Variants in KANK4 observed in about 807,000 individuals in gnomAD.
KANK4 encodes KN motif and ankyrin repeat domain-containing protein 4.
A neutral mutation model predicts 80.8 loss-of-function variants in KANK4; 50 were observed. The ratio of observed to expected loss-of-function variants is 0.62; its 90% CI spans 0.49 to 0.78. KANK4 has a LOEUF of 0.78. Among genes scored for constraint, KANK4 ranks in the 30% least tolerant of loss-of-function variants. KANK4 has a pLI of 0.00. For synonymous variants in KANK4, 465 were observed against 506.9 expected (o/e 0.92, Z 1.11); for missense variants, 1,196 against 1,240.1 (o/e 0.96, Z 0.53).
chr1:62,301,876 T>C (rs1456735441), intron 1 of KANK4, among the ~76,000 whole-genome samples: 1 of 151,778 alleles, frequency 6.6e-6, no homozygotes, highest in African/African-American at 2.4e-5. Flanking sequence ...GAGATGTAGA[T>C]TCAAGAGCCA....
At chr1:62,270,339 G>C (rs151264901) in intron 4 of KANK4, among the ~76,000 whole-genome samples, 1 of 152,008 alleles carries the variant, frequency 6.6e-6, no homozygotes, top group Non-Finnish European at 1.5e-5. Context: ...AGTGGGAACA[G>C]CAACCCTCCT....
intron 1 of KANK4, among the ~76,000 whole-genome samples, chr1:62,304,878 G>A (rs1407961470): frequency 6.6e-6 from 1 of 152,006 alleles, no homozygotes; most frequent in Non-Finnish European, 1.5e-5. Flanking sequence ...AACTTCTCTG[G>A]GCCTCAGCTG....
intron 7 of KANK4, among the ~76,000 whole-genome samples, chr1:62,260,353 CCTGT>C (rs1001919172): frequency 1.4e-4 from 21 of 151,612 alleles, no homozygotes; most frequent in Admixed American, 3.3e-4. Context: ...TCTTTTTCTG[CCTGT>C]CTGTCTCTCA....
In KANK4 at chr1:62,268,450, A is replaced by C. The variant is rs775244501; in HGVS notation, c.2068T>G (p.Leu690Val). ...TTCTTCTCTGCCTCGCTGTCAGACA[A>C]GTCCTCTGGGGTGCTGTCCTCACCG... is the stretch of plus-strand genomic sequence containing the variant. ...TSGEDSTPED[L>V]SDSEAEKKCD... The change falls in exon 5 of 10, where the codon TTG (leucine) becomes GTG (valine). Residue 690 changes from leucine (L) to valine (V), a missense_variant. Transcript: ENST00000371153. The C allele has an allele frequency of 4.7e-5, 76 of 1,613,790 alleles. No individual in the cohort carries two copies. Among genetic ancestry groups the C allele is most frequent in the Non-Finnish European group, 5.7e-5 (67 of 1,180,022 alleles).
rs551632555 is a variant in KANK4 at position 62,294,687 on chromosome 1, G to A, written c.-70-13053C>T. Among the ~76,000 whole-genome samples, 14 of 152,342 alleles carry A rather than the reference G, an allele frequency of 9.2e-5. No individual in the cohort carries two copies. The South Asian group carries it at 2.9e-3, about 32-fold the overall frequency. On this transcript the variant is annotated intron_variant, in intron 1 of 9. Coordinates refer to ENST00000371153, the MANE Select transcript of KANK4 (RefSeq NM_181712.5). ...GTTTCCAGATTTTTCAGGCGGGAAAGCTGTTATTATTTCACAATGCCCCAC... is the reference window on the plus strand; with the variant it reads ...GTTTCCAGATTTTTCAGGCGGGAAAACTGTTATTATTTCACAATGCCCCAC...
intron 2 of KANK4, among the ~76,000 whole-genome samples, chr1:62,277,792 G>A (rs140086714): frequency 2.7e-3 from 412 of 152,144 alleles, no homozygotes; most frequent in Non-Finnish European, 4.3e-3. Flanking sequence ...ACTACAGGAG[G>A]GACCCCAAGT....
intron 1 of KANK4, among the ~76,000 whole-genome samples, chr1:62,294,470 G>T (rs754971388): frequency 1.7e-4 from 26 of 152,350 alleles, no homozygotes; most frequent in Admixed American, 6.5e-4. Flanking sequence ...GCCTCTGCAG[G>T]CATCAGCTGG....
At chr1:62,249,879 G>C (rs1671570796) in intron 8 of KANK4, among the ~76,000 whole-genome samples, 1 of 152,002 alleles carries the variant, frequency 6.6e-6, no homozygotes, top group Non-Finnish European at 1.5e-5. Flanking sequence ...TAGTGATGGG[G>C]TTTTGCGATG....
intron 2 of KANK4, among the ~76,000 whole-genome samples, chr1:62,276,147 C>CCTGTTGACTCCAA (rs1483985058): frequency 6.6e-6 from 1 of 152,170 alleles, no homozygotes; most frequent in Non-Finnish European, 1.5e-5. Flanking sequence ...GCAGCATCCA[C>CCTGTTGACTCCAA]CTGTTGACTC....
At chr1:62,290,713 G>A (rs1672661138) in intron 1 of KANK4, among the ~76,000 whole-genome samples, 1 of 151,928 alleles carries the variant, frequency 6.6e-6, no homozygotes, top group Non-Finnish European at 1.5e-5. Context: ...GGATGCATGG[G>A]TGGATGGATC....
chr1:62,278,164 T>A (rs1316766278), intron 2 of KANK4, among the ~76,000 whole-genome samples: 1 of 151,864 alleles, frequency 6.6e-6, no homozygotes, highest in Non-Finnish European at 1.5e-5. Context: ...AAAAAGAGCA[T>A]CTTGCCAAGG....
intron 1 of KANK4, among the ~76,000 whole-genome samples, chr1:62,314,997 A>G (rs1164758494): frequency 6.6e-6 from 1 of 152,210 alleles, no homozygotes; most frequent in Admixed American, 6.5e-5. Flanking sequence ...CATTTATTTT[A>G]TCCTGGAAAC....
chr1:62,289,241 C>T (rs532103652), intron 1 of KANK4, among the ~76,000 whole-genome samples: 31 of 152,278 alleles, frequency 2.0e-4, no homozygotes, highest in African/African-American at 4.3e-4. Flanking sequence ...GACACCCCTG[C>T]GTACTGTTAC....
At chr1:62,262,883 G>A (rs2765246) in intron 7 of KANK4, among the ~76,000 whole-genome samples, 28 of 152,274 alleles carry the variant, frequency 1.8e-4, no homozygotes, top group African/African-American at 6.7e-4. Flanking sequence ...AGGGTGGAAG[G>A]CAGTGAGGAA....
At position 62,296,787 on chromosome 1, in the gene KANK4, G is replaced by A. The variant is rs568319792; in HGVS notation, c.-70-15153C>T. On this transcript the variant is annotated intron_variant, in intron 1 of 9. Coordinates refer to ENST00000371153, the MANE Select transcript of KANK4 (RefSeq NM_181712.5). Reference sequence around the variant, plus strand: ...ACTACTGGGCTCAAGTGATCTACCCGCCTTGGCCTCCCAAAGTGTTAGGAT... The same window carrying A: ...ACTACTGGGCTCAAGTGATCTACCCACCTTGGCCTCCCAAAGTGTTAGGAT... Among the ~76,000 whole-genome samples, 14 of 151,952 alleles carry A rather than the reference G, an allele frequency of 9.2e-5. No individual in the cohort carries two copies. The South Asian group carries it at 2.7e-3, about 29-fold the overall frequency.
At chr1:62,300,625 G>A (rs1439148047) in intron 1 of KANK4, among the ~76,000 whole-genome samples, 1 of 152,146 alleles carries the variant, frequency 6.6e-6, no homozygotes, top group Non-Finnish European at 1.5e-5. Flanking sequence ...TCCTGGCCTA[G>A]AGTACAGGGT....
chr1:62,258,726 T>C (rs1671810210), intron 7 of KANK4, among the ~76,000 whole-genome samples: 1 of 152,128 alleles, frequency 6.6e-6, no homozygotes, highest in Non-Finnish European at 1.5e-5. Context: ...TTTGAGTGAA[T>C]TAACATTCTG....
At chr1:62,295,574 G>A (rs900699300) in intron 1 of KANK4, among the ~76,000 whole-genome samples, 1 of 152,224 alleles carries the variant, frequency 6.6e-6, no homozygotes, top group East Asian at 1.9e-4. Flanking sequence ...CTGTTGGGAG[G>A]AGAGAAATAT....
rs771716405 is a variant in KANK4, at chr1:62,274,020, C to G, written c.1084G>C (p.Glu362Gln). 1.2e-6 allele frequency: 2 copies of G among 1,614,086 alleles called. No individual in the cohort carries two copies. Among genetic ancestry groups the G allele is most frequent in the African/African-American group, 2.7e-5 (2 of 74,940 alleles). Reference protein sequence around the residue: ...LEGELSGRTEELAQVRTALQQ... With the variant: ...LEGELSGRTEQLAQVRTALQQ... ...AGAGCAGTTCTGACCTGTGCCAGTT[C>G]CTCGGTTCTTCCAGACAACTCTCCC... is the stretch of plus-strand genomic sequence containing the variant. The change falls in exon 3 of 10, where the codon GAA becomes CAA. Residue 362 changes from glutamate to glutamine, a missense_variant. Around this residue, in one of 3 missense-constraint regions of KANK4, gnomAD observed 1,154 missense variants for 1,179.6 expected, o/e 0.98. Coordinates refer to ENST00000371153, the MANE Select transcript of KANK4 (RefSeq NM_181712.5).
Sources: gnomAD v4.1 joint callset for allele counts (sites outside exome capture counted in the v4.1 genomes callset) on GRCh38, gnomAD v4.1.1 for gene constraint, gnomAD v4.1.1 regional missense constraint, MANE v1.5 for transcripts, NCBI Gene and HGNC (gene_info 2026-07-23, HGNC 2026-07-21) for gene names.